The following CHCHD6 variants were observed in gnomAD, a reference collection of about 807,000 sequenced individuals.
The protein encoded by CHCHD6 is MICOS complex subunit MIC25.
CHCHD6 carries 28 observed loss-of-function variants against 32.3 expected under a neutral mutation model. The observed-to-expected ratio is 0.87, with a 90% CI of 0.64 to 1.19. The LOEUF (loss-of-function observed/expected upper bound fraction) is 1.19. Ranked by LOEUF, CHCHD6 falls within the 50% of genes most tolerant of loss-of-function variation. CHCHD6 has a pLI of 0.00. For synonymous variants in CHCHD6, 122 were observed against 117.5 expected (o/e 1.04, Z -0.25); for missense variants, 333 against 307.0 (o/e 1.08, Z -0.63).
At chr3:126,750,981 T>G (rs563759924) in intron 4 of CHCHD6, among the ~76,000 whole-genome samples, 2 of 152,330 alleles carry the variant, frequency 1.3e-5, no homozygotes, top group South Asian at 4.1e-4. Context: ...CACAACATCT[T>G]GACCTCTTGA....
chr3:126,719,412 C>G (rs1486350590), intron 1 of CHCHD6, among the ~76,000 whole-genome samples: 1 of 152,234 alleles, frequency 6.6e-6, no homozygotes, highest in Admixed American at 6.5e-5. Context: ...GCTGCCATCA[C>G]TTTATGATAG....
At chr3:126,844,218 T>C (rs1941206932) in intron 4 of CHCHD6, among the ~76,000 whole-genome samples, 1 of 152,208 alleles carries the variant, frequency 6.6e-6, no homozygotes, top group Non-Finnish European at 1.5e-5. Context: ...TGTATACATG[T>C]CATTTGGGTC....
At chr3:126,868,129 G>A (rs2107565632) in intron 5 of CHCHD6, among the ~76,000 whole-genome samples, 1 of 152,314 alleles carries the variant, frequency 6.6e-6, no homozygotes, top group East Asian at 1.9e-4. Context: ...CCCCTTCTTT[G>A]TAGGGCTGCC....
chr3:126,780,428 TG>T (rs918048471), intron 4 of CHCHD6: 3 of 366,426 alleles, frequency 8.2e-6, no homozygotes, highest in Non-Finnish European at 1.6e-5. Flanking sequence ...CTCCCTGCCT[TG>T]GGTAAGAGTT....
intron 4 of CHCHD6, among the ~76,000 whole-genome samples, chr3:126,808,723 A>G (rs1421376190): frequency 1.3e-5 from 2 of 152,168 alleles, no homozygotes; most frequent in African/African-American, 4.8e-5. Flanking sequence ...GAAGGAGCCA[A>G]ATCAGGACTG....
chr3:126,876,521 A>G (rs192542085), intron 5 of CHCHD6, among the ~76,000 whole-genome samples: 298 of 152,374 alleles, frequency 2.0e-3, no homozygotes, highest in African/African-American at 5.6e-3. Flanking sequence ...GTGGTGAGGT[A>G]TAATTGTTAA....
At chr3:126,840,332 T>C (rs1331584323) in intron 4 of CHCHD6, among the ~76,000 whole-genome samples, 1 of 152,182 alleles carries the variant, frequency 6.6e-6, no homozygotes, top group African/African-American at 2.4e-5. Context: ...TGCACAACTT[T>C]GTGAATGTAC....
intron 5 of CHCHD6, among the ~76,000 whole-genome samples, chr3:126,862,366 TCCA>T (rs1166473631): frequency 4.0e-5 from 5 of 124,324 alleles, no homozygotes; most frequent in Admixed American, 1.6e-4. Context: ...CACCACCTCC[TCCA>T]CCACCATCAC....
chr3:126,872,814 C>T (rs1242039366), intron 5 of CHCHD6, among the ~76,000 whole-genome samples: 1 of 152,216 alleles, frequency 6.6e-6, no homozygotes, highest in Admixed American at 6.5e-5. Context: ...AGGACCCTGC[C>T]CTGCTGCTCC....
intron 4 of CHCHD6, among the ~76,000 whole-genome samples, chr3:126,767,923 G>A (rs979036914): frequency 2.0e-5 from 3 of 152,144 alleles, no homozygotes; most frequent in Admixed American, 1.3e-4. Context: ...CAAAGGACAC[G>A]ATCTCATTCT....
intron 5 of CHCHD6, among the ~76,000 whole-genome samples, chr3:126,913,550 G>A (rs778252816): frequency 1.2e-4 from 19 of 152,118 alleles, no homozygotes; most frequent in Admixed American, 2.0e-4. Flanking sequence ...CAAAGGGACT[G>A]ACCTTAAGCC....
intron 1 of CHCHD6, among the ~76,000 whole-genome samples, chr3:126,705,814 A>G (rs1039629897): frequency 3.9e-5 from 6 of 152,070 alleles, no homozygotes; most frequent in African/African-American, 9.7e-5. Context: ...TTGAGCCTCA[A>G]TGGCCACATT....
At chr3:126,850,881 C>A (rs533508611) in intron 4 of CHCHD6, among the ~76,000 whole-genome samples, 1 of 152,120 alleles carries the variant, frequency 6.6e-6, no homozygotes, top group Non-Finnish European at 1.5e-5. Flanking sequence ...TTTGAAAAGC[C>A]CTGTGAGAAA....
intron 4 of CHCHD6, among the ~76,000 whole-genome samples, chr3:126,774,538 T>A: frequency 6.6e-6 from 1 of 152,262 alleles, no homozygotes; most frequent in East Asian, 1.9e-4. Context: ...CACTAGGCCT[T>A]TCTCTGATAC....
At chr3:126,774,931 C>T (rs1445071404) in intron 4 of CHCHD6, among the ~76,000 whole-genome samples, 1 of 152,176 alleles carries the variant, frequency 6.6e-6, no homozygotes, top group Non-Finnish European at 1.5e-5. Context: ...CCCTCCAGCA[C>T]CCAGTCTGAG....
chr3:126,838,936 C>G (rs891113372), intron 4 of CHCHD6, among the ~76,000 whole-genome samples: 6 of 150,866 alleles, frequency 4.0e-5, no homozygotes, highest in Non-Finnish European at 4.4e-5. Flanking sequence ...TTGCTCAGCC[C>G]GGCATGCAGT....
At chr3:126,812,592 T>C (rs191304640) in intron 4 of CHCHD6, among the ~76,000 whole-genome samples, 182 of 141,348 alleles carry the variant, frequency 1.3e-3, no homozygotes, top group African/African-American at 4.6e-3. Context: ...ACCCAGCTAA[T>C]TTTTTTTTTT....
At chr3:126,909,058 C>T (rs1050104561) in intron 5 of CHCHD6, among the ~76,000 whole-genome samples, 1 of 152,216 alleles carries the variant, frequency 6.6e-6, no homozygotes, top group Non-Finnish European at 1.5e-5. Flanking sequence ...GACATAAATC[C>T]TCAAGTGCCG....
At chr3:126,940,345 G>A (rs2078541318) in intron 6 of CHCHD6, among the ~76,000 whole-genome samples, 1 of 152,126 alleles carries the variant, frequency 6.6e-6, no homozygotes, top group South Asian at 2.1e-4. Context: ...TCTATATGCT[G>A]TGCACAATAT....
Sources: gnomAD v4.1 joint callset for allele counts (sites outside exome capture counted in the v4.1 genomes callset) on GRCh38, gnomAD v4.1.1 for gene constraint, MANE v1.5 for transcripts, NCBI Gene and HGNC (gene_info 2026-07-23, HGNC 2026-07-21) for gene names.